The following HTR2C variants were observed in gnomAD, a reference collection of about 807,000 sequenced individuals.
HTR2C encodes the protein 5-hydroxytryptamine receptor 2C, also known as 5-hydroxytryptamine (serotonin) receptor 2C, G protein-coupled.
HTR2C carries 5 observed loss-of-function variants against 21.0 expected under a neutral mutation model. The ratio of observed to expected loss-of-function variants is 0.24; its 90% CI spans 0.12 to 0.50. HTR2C has a LOEUF of 0.50. HTR2C is among the 20% of genes least tolerant of loss of function. The probability of loss-of-function intolerance (pLI) is 0.98; values close to 1 mark genes in which losing one functional copy is unlikely to be tolerated. For missense variants in HTR2C, 271 were observed against 371.2 expected (o/e 0.73, Z 2.22); for synonymous variants, 150 against 145.3 (o/e 1.03, Z -0.23).
intron 4 of HTR2C, among the ~76,000 whole-genome samples, chrX:114,836,038 C>G (rs1295841665): frequency 3.7e-5 from 4 of 107,736 alleles, no homozygotes; most frequent in African/African-American, 1.3e-4. Flanking sequence ...GGTCAGGGAC[C>G]CACTTGAGGA....
chrX:114,773,652 C>T (rs782718582), intron 4 of HTR2C, among the ~76,000 whole-genome samples: 17 of 111,949 alleles, frequency 1.5e-4, no homozygotes, highest in Non-Finnish European at 3.0e-4. Context: ...CCAAAAATTA[C>T]AATTGCATAT....
At chrX:114,684,886 A>G (rs1037771869) in intron 2 of HTR2C, among the ~76,000 whole-genome samples, 1 of 111,734 alleles carries the variant, frequency 8.9e-6, no homozygotes, top group African/African-American at 3.2e-5. Flanking sequence ...AGCTGTTTTT[A>G]TCAAAAATCT....
intron 1 of HTR2C, among the ~76,000 whole-genome samples, chrX:114,604,819 G>A (rs781969064): frequency 3.6e-5 from 4 of 110,958 alleles, no homozygotes; most frequent in Admixed American, 2.9e-4. Flanking sequence ...CGGTTCAGGC[G>A]TTTGGAAGTT....
At chrX:114,724,496 G>T (rs1406145126) in intron 2 of HTR2C, among the ~76,000 whole-genome samples, 1 of 88,862 alleles carries the variant, frequency 1.1e-5, no homozygotes, top group Non-Finnish European at 2.2e-5. Context: ...CTTTTAATTG[G>T]AGCATTTAGT....
Position 114,776,019 on chromosome X carries a change from C to T in HTR2C, c.349+44412C>T, listed in dbSNP as rs1352782346. 7.2e-6 allele frequency: 3 copies of T among 417,920 alleles called. No individual in the cohort carries two copies. In the East Asian group the frequency reaches 1.2e-4, roughly 17 times the overall value. 34.4% of individuals were successfully genotyped at this position (417,920 alleles called of 1,213,427 possible). A position where few individuals can be genotyped will look rare whatever the true frequency, so the allele number is the denominator to read the frequency against. ...AGGCGTCTTATAGCTCTCTTCTTCT[C>T]ACTGATGTCTTTCTTATACTTATGC... On this transcript the variant is annotated intron_variant, in intron 4 of 5. Transcript: ENST00000276198.
chrX:114,743,808 C>A (rs1346289274), intron 4 of HTR2C, among the ~76,000 whole-genome samples: 1 of 111,953 alleles, frequency 8.9e-6, no homozygotes, highest in Non-Finnish European at 1.9e-5. Context: ...AAACCATGCC[C>A]AGACACATTA....
At chrX:114,706,887 C>G (rs782079781) in intron 2 of HTR2C, among the ~76,000 whole-genome samples, 1 of 110,271 alleles carries the variant, frequency 9.1e-6, no homozygotes. Context: ...AAGTAGTAAC[C>G]AACAATTACA....
intron 4 of HTR2C, among the ~76,000 whole-genome samples, chrX:114,822,791 C>T (rs911785793): frequency 9.0e-6 from 1 of 111,668 alleles, no homozygotes; most frequent in Non-Finnish European, 1.9e-5. Flanking sequence ...TGTAGGCTCA[C>T]AAAATTTTGC....
intron 1 of HTR2C, among the ~76,000 whole-genome samples, chrX:114,602,659 G>A (rs371303675): frequency 1.5e-5 from 1 of 67,463 alleles, no homozygotes. Context: ...AAGCTAAACT[G>A]AGGAATTATG....
intron 2 of HTR2C, among the ~76,000 whole-genome samples, chrX:114,644,362 A>ATATATAT (rs1930262960): frequency 3.4e-4 from 13 of 38,232 alleles, no homozygotes; most frequent in African/African-American, 5.2e-4. Flanking sequence ...TAAATAAATA[A>ATATATAT]ATATATATAT....
intron 4 of HTR2C, among the ~76,000 whole-genome samples, chrX:114,786,691 T>C (rs1292660506): frequency 1.8e-5 from 2 of 111,017 alleles, no homozygotes; most frequent in Non-Finnish European, 3.8e-5. Flanking sequence ...ATTGATATTT[T>C]TGAAGGTTAG....
chrX:114,603,610 A>T (rs782510366), intron 1 of HTR2C, among the ~76,000 whole-genome samples: 1 of 78,710 alleles, frequency 1.3e-5, no homozygotes, highest in African/African-American at 4.9e-5. Flanking sequence ...CGAGATAGGT[A>T]ACAGATGAGG....
At position 114,644,344 on chromosome X, in the gene HTR2C, AAAATAAAT is replaced by A. The variant is rs1295592092; in HGVS notation, c.-80+30477_-80+30484del. On this transcript the variant is annotated intron_variant, in intron 2 of 5. Transcript: ENST00000276198. ...TGGCAGAGTAAGGGAGACTCCATCT[AAAATAAAT>A]AAATAAATAAATATATATATATATA... Among the ~76,000 whole-genome samples, 111 of 36,144 alleles carry A rather than the reference AAAATAAAT, an allele frequency of 3.1e-3. 1 individual carries two copies. The highest frequency in any genetic ancestry group is 9.6e-3 in the African/African-American group (89 of 9,229). The allele number at this position is 36,144 out of a possible 115,157, so 31.4% of individuals were successfully genotyped here. A position where few individuals can be genotyped will look rare whatever the true frequency, so the allele number is the denominator to read the frequency against.
At chrX:114,673,813 GAT>G (rs1480327963) in intron 2 of HTR2C, among the ~76,000 whole-genome samples, 1 of 111,339 alleles carries the variant, frequency 9.0e-6, no homozygotes, top group Non-Finnish European at 1.9e-5. Flanking sequence ...GCAATTAAGT[GAT>G]ATTTTAAAAC....
intron 2 of HTR2C, among the ~76,000 whole-genome samples, chrX:114,615,430 C>T (rs1484273542): frequency 3.6e-5 from 4 of 111,858 alleles, no homozygotes; most frequent in Middle Eastern, 4.6e-3. Flanking sequence ...TGAAGAACCC[C>T]CACAGCAGTC....
intron 2 of HTR2C, among the ~76,000 whole-genome samples, chrX:114,659,270 G>A (rs1215566651): frequency 2.7e-5 from 3 of 111,255 alleles, no homozygotes; most frequent in Non-Finnish European, 5.7e-5. Flanking sequence ...GATGAGATTT[G>A]GGTAGGGATA....
chrX:114,647,926 C>T (rs1556407833), intron 2 of HTR2C, among the ~76,000 whole-genome samples: 1 of 112,178 alleles, frequency 8.9e-6, no homozygotes, highest in Non-Finnish European at 1.9e-5. Flanking sequence ...AATATCATCA[C>T]CCATCCTGTG....
chrX:114,588,069 C>T (rs1035198958), intron 1 of HTR2C, among the ~76,000 whole-genome samples: 28 of 112,491 alleles, frequency 2.5e-4, no homozygotes, highest in African/African-American at 8.4e-4. Flanking sequence ...TTCCTCTTCT[C>T]AGCTGTGGCT....
chrX:114,812,945 T>C (rs1440257834), intron 4 of HTR2C, among the ~76,000 whole-genome samples: 2 of 111,565 alleles, frequency 1.8e-5, no homozygotes, highest in Non-Finnish European at 3.8e-5. Flanking sequence ...CATTTGCATG[T>C]ATTTACCAGA....
Sources: gnomAD v4.1 joint callset for allele counts (sites outside exome capture counted in the v4.1 genomes callset) on GRCh38, gnomAD v4.1.1 for gene constraint, MANE v1.5 for transcripts, NCBI Gene and HGNC (gene_info 2026-07-23, HGNC 2026-07-21) for gene names.